TMEM132D: variants seen among roughly 807,000 people sequenced by gnomAD.
TMEM132D encodes transmembrane protein 132D, also known as mature OL transmembrane protein.
TMEM132D carries 21 observed loss-of-function variants against 62.3 expected under a neutral mutation model. The ratio of observed to expected loss-of-function variants is 0.34; its 90% CI spans 0.24 to 0.49. TMEM132D has a LOEUF of 0.49. Among genes scored for constraint, TMEM132D ranks in the 20% least tolerant of loss-of-function variants. The pLI is 0.99. For synonymous variants in TMEM132D, 621 were observed against 575.6 expected (o/e 1.08, Z -1.13); for missense variants, 1,346 against 1,402.8 (o/e 0.96, Z 0.65).
intron 4 of TMEM132D, among the ~76,000 whole-genome samples, chr12:129,266,913 TG>T (rs1278712272): frequency 1.3e-5 from 2 of 152,186 alleles, no homozygotes; most frequent in African/African-American, 4.8e-5. Flanking sequence ...CTCTCACTCT[TG>T]GACATCCCAG....
intron 3 of TMEM132D, among the ~76,000 whole-genome samples, chr12:129,454,531 A>C (rs1486097195): frequency 6.6e-6 from 1 of 152,204 alleles, no homozygotes; most frequent in East Asian, 1.9e-4. Flanking sequence ...AAGCTAAGGC[A>C]TCCAAGACAC....
intron 4 of TMEM132D, among the ~76,000 whole-genome samples, chr12:129,287,414 C>T (rs1413400220): frequency 6.6e-6 from 1 of 152,154 alleles, no homozygotes. Context: ...GGACAAGAAT[C>T]ATCAATAGAT....
intron 2 of TMEM132D, among the ~76,000 whole-genome samples, chr12:129,535,691 CAGAA>C (rs1876361773): frequency 6.6e-6 from 1 of 151,696 alleles, no homozygotes; most frequent in African/African-American, 2.4e-5. Flanking sequence ...CACATAGAGA[CAGAA>C]AGCAAAATTG....
chr12:129,578,342 A>G (rs764807051), intron 2 of TMEM132D, among the ~76,000 whole-genome samples: 11 of 151,282 alleles, frequency 7.3e-5, no homozygotes, highest in East Asian at 2.0e-4. Context: ...GTAATAAATT[A>G]CCTCTCATAT....
intron 2 of TMEM132D, among the ~76,000 whole-genome samples, chr12:129,624,795 G>T (rs1565927268): frequency 6.6e-6 from 1 of 152,230 alleles, no homozygotes; most frequent in East Asian, 1.9e-4. Flanking sequence ...CTCCATGCAG[G>T]CCAGCCTCTC....
At chr12:129,145,323 A>T (rs988127490) in intron 5 of TMEM132D, among the ~76,000 whole-genome samples, 1 of 152,070 alleles carries the variant, frequency 6.6e-6, no homozygotes, top group Non-Finnish European at 1.5e-5. Context: ...CCAGCTTGAA[A>T]ATCCCTGCCC....
intron 3 of TMEM132D, among the ~76,000 whole-genome samples, chr12:129,350,253 G>C (rs963125821): frequency 2.6e-5 from 4 of 152,168 alleles, no homozygotes; most frequent in African/African-American, 9.7e-5. Context: ...AGCTAAGGAA[G>C]AGAACCTTGT....
At chr12:129,382,086 A>C (rs1870970104) in intron 3 of TMEM132D, among the ~76,000 whole-genome samples, 1 of 152,200 alleles carries the variant, frequency 6.6e-6, no homozygotes, top group Non-Finnish European at 1.5e-5. Context: ...AAATCTATTA[A>C]ATTTCAGCAG....
At chr12:129,101,405 A>C (rs10459118) in intron 5 of TMEM132D, among the ~76,000 whole-genome samples, 43,569 of 152,132 alleles carry the variant, frequency 0.29, 6,635 homozygotes, top group African/African-American at 0.36. Context: ...TGACCAGCTC[A>C]GTGGTCTCCA....
chr12:129,685,402 G>A (rs1206746555), intron 2 of TMEM132D, among the ~76,000 whole-genome samples: 1 of 152,236 alleles, frequency 6.6e-6, no homozygotes, highest in Non-Finnish European at 1.5e-5. Flanking sequence ...GCTTCAGATG[G>A]TAAAAGCCCC....
intron 3 of TMEM132D, among the ~76,000 whole-genome samples, chr12:129,411,176 A>G (rs1349283525): frequency 6.6e-6 from 1 of 152,170 alleles, no homozygotes; most frequent in East Asian, 1.9e-4. Context: ...TGTCACCTGT[A>G]AGAGAGATAG....
At chr12:129,209,235 A>G (rs1878951457) in intron 5 of TMEM132D, among the ~76,000 whole-genome samples, 1 of 151,988 alleles carries the variant, frequency 6.6e-6, no homozygotes, top group African/African-American at 2.4e-5. Context: ...TCCCACGACA[A>G]TCTCCCTGGG....
chr12:129,828,833 G>A (rs1436467478), intron 1 of TMEM132D, among the ~76,000 whole-genome samples: 4 of 131,860 alleles, frequency 3.0e-5, no homozygotes, highest in African/African-American at 5.7e-5. Flanking sequence ...GGAGGGAGAA[G>A]AGAAGGATGA....
Position 129,382,550 on chromosome 12 carries a change from G to T in TMEM132D, c.1116-44733C>A, listed in dbSNP as rs1461952634. The stretch of plus-strand genomic sequence containing the variant: ...CAGAAATCCTGACCATTTGATAACA[G>T]ACACCATACAGTCCTAAATCTCAAG... On this transcript the variant is annotated intron_variant, in intron 3 of 8. Coordinates refer to ENST00000422113, the MANE Select transcript of TMEM132D (RefSeq NM_133448.3). Among the ~76,000 whole-genome samples, 4 of 152,288 alleles carry T rather than the reference G, an allele frequency of 2.6e-5. No homozygotes were observed. In the South Asian group the frequency reaches 8.3e-4, roughly 32 times the overall value.
At chr12:129,464,913 C>G (rs1470985440) in intron 3 of TMEM132D, among the ~76,000 whole-genome samples, 1 of 150,944 alleles carries the variant, frequency 6.6e-6, no homozygotes, top group African/African-American at 2.4e-5. Context: ...CATGATGCCT[C>G]CAGCTTTGTT....
chr12:129,091,380 G>C (rs1874910497), intron 5 of TMEM132D, among the ~76,000 whole-genome samples: 1 of 151,230 alleles, frequency 6.6e-6, no homozygotes, highest in Non-Finnish European at 1.5e-5. Context: ...AAGCTCACAT[G>C]GTCTCTGGGG....
At chr12:129,180,724 C>A (rs954863459) in intron 5 of TMEM132D, among the ~76,000 whole-genome samples, 3 of 152,180 alleles carry the variant, frequency 2.0e-5, no homozygotes, top group Non-Finnish European at 4.4e-5. Flanking sequence ...GCAGGAAGAA[C>A]CTTCCAGACA....
rs1870598334 is a variant in TMEM132D at position 129,371,466 on chromosome 12, CGAT to C, written c.1116-33652_1116-33650del. 6.7e-6 allele frequency among the ~76,000 whole-genome samples: 1 copy of C among 150,240 alleles called. No individual in the cohort carries two copies. Among genetic ancestry groups the C allele is most frequent in the Admixed American group, 6.6e-5 (1 of 15,132 alleles). On this transcript the variant is annotated intron_variant, in intron 3 of 8. Transcript: ENST00000422113. This position sits in a 1 kb window ranked among gnomAD's most constrained non-coding sequence, Gnocchi z 4.3. ...GTGATATTGATGATGGTGGTAATGA[CGAT>C]GATGATGTGATAATGGTGATAAAGA...
At chr12:129,162,098 G>T (rs1486115070) in intron 5 of TMEM132D, among the ~76,000 whole-genome samples, 6 of 152,166 alleles carry the variant, frequency 3.9e-5, no homozygotes, top group Admixed American at 3.3e-4. Flanking sequence ...CTATGTTTAA[G>T]CTCTAACTCC....
Sources: gnomAD v4.1 joint callset for allele counts (sites outside exome capture counted in the v4.1 genomes callset) on GRCh38, gnomAD v4.1.1 for gene constraint, Gnocchi (gnomAD v3.1) non-coding constraint, MANE v1.5 for transcripts, NCBI Gene and HGNC (gene_info 2026-07-23, HGNC 2026-07-21) for gene names.